ITGAE: variants seen among roughly 807,000 people sequenced by gnomAD.
The protein encoded by ITGAE is integrin subunit alpha E.
Under a neutral mutation model 136.5 loss-of-function variants are expected in ITGAE, and 99 were observed. The ratio of observed to expected loss-of-function variants is 0.73; its 90% CI spans 0.62 to 0.86. The LOEUF (loss-of-function observed/expected upper bound fraction) is 0.86, where lower values mean the gene tolerates loss of function less well. Among genes scored for constraint, ITGAE ranks in the 40% least tolerant of loss-of-function variants. ITGAE has a pLI of 0.00. For synonymous variants in ITGAE, 613 were observed against 591.8 expected, an observed-to-expected ratio of 1.04 and a Z score of -0.52; for missense variants, 1,447 against 1,515.3, an observed-to-expected ratio of 0.95 and a Z score of 0.75.
At chr17:3,770,104 T>G (rs1344977324) in intron 2 of ITGAE, among the ~76,000 whole-genome samples, 2 of 150,958 alleles carry the variant, frequency 1.3e-5, no homozygotes, top group Non-Finnish European at 3.0e-5. Context: ...CAGGGTTTAT[T>G]TCTTTCTTTC....
intron 1 of ITGAE, among the ~76,000 whole-genome samples, chr17:3,779,409 C>T (rs1489554141): frequency 6.6e-6 from 1 of 151,762 alleles, no homozygotes. Context: ...CTCACTACAA[C>T]TTCTGTGTCC....
At chr17:3,756,724 G>C (rs906299413) in intron 10 of ITGAE, among the ~76,000 whole-genome samples, 1 of 152,088 alleles carries the variant, frequency 6.6e-6, no homozygotes, top group African/African-American at 2.4e-5. Flanking sequence ...TTTTGTTTTA[G>C]TAGAGATGGG....
intron 26 of ITGAE, 42 bp from the exon 27 acceptor site, chr17:3,723,786 G>C (rs780646322): frequency 4.5e-5 from 72 of 1,600,292 alleles, no homozygotes; most frequent in Non-Finnish European, 5.5e-5. Flanking sequence ...AACAAACCAA[G>C]CCGCCAGTTT....
At chr17:3,728,208 TTC>T (rs753163060) in intron 24 of ITGAE, 40 bp from the exon 25 acceptor site, 2 of 1,509,694 alleles carry the variant, frequency 1.3e-6, no homozygotes, top group African/African-American at 2.8e-5. Context: ...TGAGGAGTCT[TTC>T]TCCCTTTTTT....
intron 26 of ITGAE, 125 bp from the exon 27 acceptor site, chr17:3,723,869 C>G: frequency 6.6e-7 from 1 of 1,514,300 alleles, no homozygotes; most frequent in Non-Finnish European, 8.9e-7. Flanking sequence ...CCGCGGCAGG[C>G]GGGCGCGTCC....
intron 26 of ITGAE, chr17:3,726,166 G>T: frequency 3.1e-6 from 5 of 1,614,108 alleles, no homozygotes; most frequent in Non-Finnish European, 4.2e-6. Flanking sequence ...AATGTGCTCT[G>T]GTTACATTAC....
In ITGAE at chr17:3,798,749, A is replaced by G. The variant is rs2053181857; in HGVS notation, c.34+2362T>C. 6.6e-6 allele frequency among the ~76,000 whole-genome samples: 1 copy of G among 152,172 alleles called. No individual in the cohort carries two copies. Among genetic ancestry groups the G allele is most frequent in the South Asian group, 2.1e-4 (1 of 4,830 alleles). ...CAGGCTTCTTCACGCAAGGGTGGAA[A>G]CTCAACCTCTGAGACCCAGGATGGA... On this transcript the variant is annotated intron_variant, in intron 1 of 30. Coordinates refer to ENST00000263087, the MANE Select transcript of ITGAE (RefSeq NM_002208.5). The surrounding 1 kb of genome is among the most constrained non-coding windows in gnomAD (Gnocchi z 4.3).
chr17:3,755,712 A>T, intron 11 of ITGAE, 118 bp downstream of exon 11: 1 of 680,492 alleles, frequency 1.5e-6, no homozygotes, highest in Non-Finnish European at 2.4e-6. Flanking sequence ...TCGCTCTTTT[A>T]CAGGAATCAC....
intron 16 of ITGAE, among the ~76,000 whole-genome samples, chr17:3,750,036 A>G (rs1278349969): frequency 3.3e-5 from 5 of 152,092 alleles, no homozygotes; most frequent in Admixed American, 6.5e-5. Context: ...CAAAAAACAA[A>G]AAACTCTGCA....
chr17:3,763,908 A>ATC lies in ITGAE; in HGVS notation c.206_207dup (p.Cys70AspfsTer14). 1 of 1,613,918 alleles carries ATC rather than the reference A, an allele frequency of 6.2e-7. No homozygotes were observed. Among genetic ancestry groups the ATC allele is most frequent in the Non-Finnish European group, 8.5e-7 (1 of 1,179,962 alleles). ...AGGATTTCATCCTGGACAAGGGAACATCGATGGAGGGGCCCTGGTGTCCTC... is the reference window on the plus strand; with the variant it reads ...AGGATTTCATCCTGGACAAGGGAACATCTCGATGGAGGGGCCCTGGTGTCCTC... On this transcript the variant is annotated frameshift_variant, in exon 3 of 31. Coordinates refer to ENST00000263087, the MANE Select transcript of ITGAE (RefSeq NM_002208.5). LOFTEE classifies it high-confidence loss of function.
intron 14 of ITGAE, among the ~76,000 whole-genome samples, chr17:3,752,787 C>T (rs1047203047): frequency 6.0e-5 from 9 of 151,002 alleles, no homozygotes; most frequent in South Asian, 4.2e-4. Context: ...AGGTGGCTTA[C>T]GCCTGTAATC....
intron 2 of ITGAE, among the ~76,000 whole-genome samples, chr17:3,767,283 G>C (rs2052322998): frequency 6.6e-6 from 1 of 152,092 alleles, no homozygotes; most frequent in South Asian, 2.1e-4. Context: ...TTTTAGTACA[G>C]ATGGGGTTTT....
intron 17 of ITGAE, 73 bp downstream of exon 17, chr17:3,747,839 CAGTCCTCTTT>C: frequency 3.0e-6 from 1 of 333,008 alleles, no homozygotes; most frequent in African/African-American, 2.3e-5. Context: ...CCCCCCGCCC[CAGTCCTCTTT>C]CCCTGCCCCT....
chr17:3,750,689 G>C (rs1034983413), intron 15 of ITGAE, among the ~76,000 whole-genome samples: 1 of 152,078 alleles, frequency 6.6e-6, no homozygotes, highest in South Asian at 2.1e-4. Context: ...CTTGACAGGG[G>C]AGAGTAAGGG....
intron 26 of ITGAE, chr17:3,724,378 C>T (rs372970730): frequency 6.2e-7 from 1 of 1,608,144 alleles, no homozygotes; most frequent in Non-Finnish European, 8.5e-7. Flanking sequence ...CGCCTCAGCC[C>T]GGACCTCAGC....
chr17:3,791,820 G>A (rs151087880), intron 1 of ITGAE, among the ~76,000 whole-genome samples: 1 of 152,164 alleles, frequency 6.6e-6, no homozygotes, highest in African/African-American at 2.4e-5. Flanking sequence ...TGAGCAGCCA[G>A]GCTTTAAATA....
intron 1 of ITGAE, among the ~76,000 whole-genome samples, chr17:3,786,561 C>T (rs2052802774): frequency 6.6e-6 from 1 of 152,094 alleles, no homozygotes; most frequent in Non-Finnish European, 1.5e-5. Flanking sequence ...AAAAATGCTG[C>T]ACAAAATTCC....
chr17:3,749,294 G>C (rs575235740), intron 16 of ITGAE, among the ~76,000 whole-genome samples: 1 of 151,004 alleles, frequency 6.6e-6, no homozygotes, highest in Admixed American at 6.6e-5. Flanking sequence ...TCGCTCTGTC[G>C]CCCAGGCTGG....
chr17:3,796,531 G>C (rs2053108942), intron 1 of ITGAE, among the ~76,000 whole-genome samples: 1 of 152,146 alleles, frequency 6.6e-6, no homozygotes. Context: ...TGACGCAGGA[G>C]GCTCAGCACG....
Sources: gnomAD v4.1 joint callset for allele counts (sites outside exome capture counted in the v4.1 genomes callset) on GRCh38, gnomAD v4.1.1 for gene constraint, Gnocchi (gnomAD v3.1) non-coding constraint, MANE v1.5 for transcripts, NCBI Gene and HGNC (gene_info 2026-07-23, HGNC 2026-07-21) for gene names.